The following C6 variants were observed in gnomAD, a reference collection of about 807,000 sequenced individuals.
C6 encodes the protein complement component C6.
C6 carries 101 observed loss-of-function variants against 112.9 expected under a neutral mutation model. The observed-to-expected ratio is 0.89, with a 90% CI of 0.76 to 1.06. C6 has a LOEUF of 1.06. Ranked by LOEUF, C6 falls within the 50% of genes least tolerant of loss-of-function variation. The pLI, the probability that C6 is intolerant of heterozygous loss-of-function variation, is 0.00. For synonymous variants in C6, 431 were observed against 384.1 expected (o/e 1.12, Z -1.43); for missense variants, 1,202 against 1,104.6 (o/e 1.09, Z -1.25).
At chr5:41,185,416 G>A (rs188964121) in intron 6 of C6, among the ~76,000 whole-genome samples, 46 of 152,188 alleles carry the variant, frequency 3.0e-4, no homozygotes, top group African/African-American at 7.7e-4. Context: ...ATGCATGAAC[G>A]TCACCATTAA....
Position 41,167,143 on chromosome 5 carries a change from G to C in C6, c.1291+5082C>G, listed in dbSNP as rs556026628. On this transcript the variant is annotated intron_variant, in intron 9 of 17. Coordinates refer to ENST00000337836, the MANE Select transcript of C6 (RefSeq NM_000065.5). ...TATATATACAGCCTCAGGCTGGAGA[G>C]AGTCAAGAGAGAAAAAGAGCAAAAT... Among the ~76,000 whole-genome samples the C allele has an allele frequency of 1.8e-4, 28 of 152,144 alleles. No individual in the cohort carries two copies. In the East Asian group the frequency reaches 4.1e-3, roughly 22 times the overall value.
chr5:41,201,517 A>C (rs1335016713), intron 3 of C6, 41 bp downstream of exon 3: 1 of 1,586,050 alleles, frequency 6.3e-7, no homozygotes, highest in South Asian at 1.1e-5. Context: ...AGAGCCCTCT[A>C]TTGTGATTCA....
intron 1 of C6, among the ~76,000 whole-genome samples, chr5:41,219,292 G>C (rs1739022320): frequency 6.6e-6 from 1 of 152,134 alleles, no homozygotes; most frequent in African/African-American, 2.4e-5. Context: ...TCCAAATCTG[G>C]ACCTCTTCTT....
intron 14 of C6, among the ~76,000 whole-genome samples, chr5:41,154,438 T>C (rs1746707661): frequency 6.6e-6 from 1 of 152,204 alleles, no homozygotes; most frequent in Non-Finnish European, 1.5e-5. Flanking sequence ...ATTCAAGCCT[T>C]ATTTGAATCT....
chr5:41,201,820 G>GAA, intron 2 of C6, 106 bp from the exon 3 acceptor site: 1 of 1,099,002 alleles, frequency 9.1e-7, no homozygotes, highest in Non-Finnish European at 1.4e-6. Context: ...AGAAAAGAAA[G>GAA]AAAATTTTCA....
chr5:41,187,689 GAC>G (rs1456667940), intron 5 of C6, among the ~76,000 whole-genome samples: 1 of 62,322 alleles, frequency 1.6e-5, no homozygotes, highest in Non-Finnish European at 3.1e-5. Flanking sequence ...AAAGTACACA[GAC>G]ACACACATAC....
chr5:41,201,217 C>T lies in C6; in HGVS notation c.300+341G>A, dbSNP rs529930356. Among the ~76,000 whole-genome samples, 72 of 152,170 alleles carry T rather than the reference C, an allele frequency of 4.7e-4. 1 individual carries two copies. In the Middle Eastern group the frequency reaches 0.014, roughly 29 times the overall value. ...CACAAAACATCCAAAATCCAAAACA[C>T]TTCTGATACCAACATTTTGGATAAG... is the stretch of plus-strand genomic sequence containing the variant. On this transcript the variant is annotated intron_variant, in intron 3 of 17. Coordinates refer to ENST00000337836, the MANE Select transcript of C6 (RefSeq NM_000065.5).
intron 1 of C6, among the ~76,000 whole-genome samples, chr5:41,207,354 C>T (rs904258811): frequency 5.3e-5 from 8 of 152,150 alleles, no homozygotes; most frequent in African/African-American, 1.2e-4. Context: ...ATCATAATGA[C>T]GGGTTCAAAT....
At chr5:41,147,465 G>A (rs2150224497) in intron 17 of C6, among the ~76,000 whole-genome samples, 1 of 152,252 alleles carries the variant, frequency 6.6e-6, no homozygotes, top group East Asian at 1.9e-4. Context: ...CTTGTGGCCT[G>A]TCAAGGGAGC....
At chr5:41,225,616 A>C (rs1739440524) in intron 1 of C6, among the ~76,000 whole-genome samples, 1 of 152,156 alleles carries the variant, frequency 6.6e-6, no homozygotes, top group Non-Finnish European at 1.5e-5. Flanking sequence ...TTGTATTTCT[A>C]GTTCTAGATC....
rs1739863195 is a variant in C6, at chr5:41,230,993, A to C, written c.-20-27743T>G. ...CATACAATAAATTCTATTTAGTCTC[A>C]TCTAAGTATAGCCATTCCTGCTCTC... On this transcript the variant is annotated intron_variant, in intron 1 of 17. Transcript: ENST00000263413. Among the ~76,000 whole-genome samples the C allele has an allele frequency of 6.6e-5, 10 of 152,270 alleles. No homozygotes were observed. The South Asian group carries it at 2.1e-3, about 32-fold the overall frequency.
rs1364376889 is a variant in C6 at position 41,260,202 on chromosome 5, A to T, written c.-21+992T>A. 2.0e-5 allele frequency among the ~76,000 whole-genome samples: 3 copies of T among 152,030 alleles called. No homozygotes were observed. In the East Asian group the frequency reaches 5.8e-4, roughly 29 times the overall value. On this transcript the variant is annotated intron_variant, in intron 1 of 17. Transcript: ENST00000263413. The stretch of plus-strand genomic sequence containing the variant: ...ATTATAAGGTACAAAACACAAGTTG[A>T]TTATTTTTTAAATTTTCATTTGCCT...
Sources: gnomAD v4.1 joint callset for allele counts (sites outside exome capture counted in the v4.1 genomes callset) on GRCh38, gnomAD v4.1.1 for gene constraint, MANE v1.5 for transcripts, NCBI Gene and HGNC (gene_info 2026-07-23, HGNC 2026-07-21) for gene names.